The following SLC3A1 variants were observed in gnomAD, a reference collection of about 807,000 sequenced individuals.
The protein encoded by SLC3A1 is solute carrier family 3 member 1.
In SLC3A1, 78 loss-of-function variants were observed where a neutral mutation model predicts 60.3. The observed-to-expected ratio is 1.29, with a 90% CI of 1.08 to 1.56. The LOEUF is 1.56. Among genes scored for constraint, SLC3A1 ranks in the 40% most tolerant of loss-of-function variants. SLC3A1 has a pLI of 0.00. For missense variants in SLC3A1, 1,172 were observed against 858.9 expected, an observed-to-expected ratio of 1.36 and a Z score of -4.56; for synonymous variants, 392 against 307.9, an observed-to-expected ratio of 1.27 and a Z score of -2.86.
At chr2:44,309,028 G>A (rs1435169957) in intron 7 of SLC3A1, among the ~76,000 whole-genome samples, 1 of 152,054 alleles carries the variant, frequency 6.6e-6, no homozygotes, top group Non-Finnish European at 1.5e-5. Flanking sequence ...TACTGTGCCT[G>A]GCCTTCTGAG....
chr2:44,320,112 G>A lies in SLC3A1; in HGVS notation c.1618-87G>A, dbSNP rs1672796843. On this transcript the variant is annotated intron_variant, in intron 9 of 9. Transcript: ENST00000260649. Reference sequence around the variant, plus strand: ...GGCAAAATTGGAGCAAGTGTTTTGGGTAAATAACTCCTTACAATATATTAA... The same window carrying A: ...GGCAAAATTGGAGCAAGTGTTTTGGATAAATAACTCCTTACAATATATTAA... 4.1e-6 allele frequency: 5 copies of A among 1,218,328 alleles called. No individual in the cohort carries two copies. In the Admixed American group the frequency reaches 6.8e-5, roughly 17 times the overall value. 75.5% of individuals were successfully genotyped at this position (1,218,328 alleles called of 1,614,324 possible).
intron 7 of SLC3A1, among the ~76,000 whole-genome samples, chr2:44,311,972 G>T (rs539349012): frequency 2.6e-5 from 4 of 152,156 alleles, no homozygotes; most frequent in Non-Finnish European, 5.9e-5. Flanking sequence ...GCACATGAGG[G>T]TTTGAGTTGT....
intron 9 of SLC3A1, among the ~76,000 whole-genome samples, chr2:44,316,971 G>A (rs1239033755): frequency 6.6e-6 from 1 of 152,144 alleles, no homozygotes; most frequent in Non-Finnish European, 1.5e-5. Flanking sequence ...TGTAAAACAA[G>A]GTATTCTGGA....
chr2:44,285,635 CCAAG>C (rs1305119845), intron 3 of SLC3A1: 3 of 476,526 alleles, frequency 6.3e-6, no homozygotes, highest in Admixed American at 4.7e-5. Context: ...GGCTCAAGCT[CCAAG>C]ATGAGCGGAA....
At chr2:44,312,802 T>C in intron 8 of SLC3A1, 49 bp downstream of exon 8, 2 of 1,526,658 alleles carry the variant, frequency 1.3e-6, no homozygotes, top group Non-Finnish European at 1.8e-6. Flanking sequence ...AAACCAAGTA[T>C]TCATTTTTTA....
chr2:44,292,256 C>T lies in SLC3A1; in HGVS notation c.891+6099C>T, dbSNP rs1026924429. ...GCTGAGAGGGAACCCAGAGCACAGG[C>T]GTAGGCTCCGTTCTGTCCCTACTAA... On this transcript the variant is annotated intron_variant, in intron 4 of 9. Coordinates refer to ENST00000260649, the MANE Select transcript of SLC3A1 (RefSeq NM_000341.4). 7.2e-5 allele frequency among the ~76,000 whole-genome samples: 11 copies of T among 152,198 alleles called. No individual in the cohort carries two copies. The South Asian group carries it at 8.3e-4, about 11-fold the overall frequency.
At chr2:44,294,019 T>C (rs1671794822) in intron 4 of SLC3A1, among the ~76,000 whole-genome samples, 3 of 152,142 alleles carry the variant, frequency 2.0e-5, no homozygotes, top group Admixed American at 2.0e-4. Context: ...AAATAAATAC[T>C]ATTGTGAAGT....
chr2:44,284,666 A>G (rs1005990745), intron 3 of SLC3A1, among the ~76,000 whole-genome samples: 2 of 152,100 alleles, frequency 1.3e-5, no homozygotes, highest in African/African-American at 4.8e-5. Context: ...AGGCTCAAGC[A>G]ATCCTCGCCA....
At chr2:44,287,079 T>C (rs913447213) in intron 4 of SLC3A1, among the ~76,000 whole-genome samples, 1 of 152,110 alleles carries the variant, frequency 6.6e-6, no homozygotes, top group Admixed American at 6.6e-5. Flanking sequence ...TATTGCCTAC[T>C]CCGTGCCAGG....
Position 44,313,952 on chromosome 2 carries a change from G to A in SLC3A1, c.1617+1G>A, listed in dbSNP as rs558461213. 5.0e-6 allele frequency: 8 copies of A among 1,614,068 alleles called. No homozygotes were observed. The highest frequency in any genetic ancestry group is 1.1e-5 in the South Asian group (1 of 91,070). Reference sequence around the variant, plus strand: ...AGATTACCACACTGTGAATGTTGATGTAAGTATCAGTGAAAATTTTATGTT... The same window carrying A: ...AGATTACCACACTGTGAATGTTGATATAAGTATCAGTGAAAATTTTATGTT... On this transcript the variant is annotated splice_donor_variant, in intron 9 of 9. Transcript: ENST00000260649. LOFTEE classifies it high-confidence loss of function.
At chr2:44,281,656 G>C (rs1671503070) in intron 3 of SLC3A1, 115 bp downstream of exon 3, 2 of 957,590 alleles carry the variant, frequency 2.1e-6, no homozygotes, top group African/African-American at 1.7e-5. Flanking sequence ...TATCGGAAGG[G>C]GGCAAGTTTC....
intron 4 of SLC3A1, among the ~76,000 whole-genome samples, chr2:44,287,041 T>A (rs1671633431): frequency 6.6e-6 from 1 of 152,128 alleles, no homozygotes; most frequent in South Asian, 2.1e-4. Context: ...TGCACGACAC[T>A]TCTGTACTCA....
Position 44,285,909 on chromosome 2 carries a change from C to G in SLC3A1, c.766-123C>G, listed in dbSNP as rs1671602008. ...AGGGGTTTCTTTAACCTGCTGCTCT[C>G]TGTAGAAGGAAAACTCTCAGGATTT... On this transcript the variant is annotated intron_variant, in intron 3 of 9. Transcript: ENST00000260649. The G allele has an allele frequency of 2.3e-6, 3 of 1,287,210 alleles. No individual in the cohort carries two copies. The South Asian group carries it at 3.6e-5, about 15-fold the overall frequency. The allele number at this position is 1,287,210 out of a possible 1,614,324, so 79.7% of individuals were successfully genotyped here. A position where few individuals can be genotyped will look rare whatever the true frequency, so the allele number is the denominator to read the frequency against.
At chr2:44,314,250 G>T (rs1475410186) in intron 9 of SLC3A1, 3 of 630,304 alleles carry the variant, frequency 4.8e-6, no homozygotes, top group Non-Finnish European at 8.0e-6. Flanking sequence ...TTTTTAGCTA[G>T]CCCAGCTGCC....
chr2:44,280,986 T>C, intron 2 of SLC3A1, 91 bp downstream of exon 2: 1 of 1,103,984 alleles, frequency 9.1e-7, no homozygotes, highest in Non-Finnish European at 1.4e-6. Flanking sequence ...TCTCCTTAAC[T>C]GTCATATACT....
intron 4 of SLC3A1, among the ~76,000 whole-genome samples, chr2:44,299,388 A>G (rs1671942728): frequency 6.6e-6 from 1 of 152,154 alleles, no homozygotes; most frequent in African/African-American, 2.4e-5. Context: ...CTAGTATCTG[A>G]GTTTTACCAC....
chr2:44,282,420 A>G (rs1364880354), intron 3 of SLC3A1, among the ~76,000 whole-genome samples: 1 of 151,878 alleles, frequency 6.6e-6, no homozygotes, highest in African/African-American at 2.4e-5. Flanking sequence ...TATCACTCTC[A>G]GCAGCAAACT....
chr2:44,297,779 T>G (rs896073158), intron 4 of SLC3A1, among the ~76,000 whole-genome samples: 12 of 152,186 alleles, frequency 7.9e-5, no homozygotes, highest in African/African-American at 2.9e-4. Context: ...TTTCATTTTT[T>G]GTAGAGACAG....
intron 4 of SLC3A1, among the ~76,000 whole-genome samples, chr2:44,288,268 C>T (rs1430594272): frequency 1.3e-5 from 2 of 152,102 alleles, no homozygotes; most frequent in African/African-American, 4.8e-5. Context: ...TCAAATGATC[C>T]ACCCGTCTCA....
Sources: gnomAD v4.1 joint callset for allele counts (sites outside exome capture counted in the v4.1 genomes callset) on GRCh38, gnomAD v4.1.1 for gene constraint, MANE v1.5 for transcripts, NCBI Gene and HGNC (gene_info 2026-07-23, HGNC 2026-07-21) for gene names.